The following ARSH variants were observed in gnomAD, a reference collection of about 807,000 sequenced individuals.
The protein encoded by ARSH is arylsulfatase H.
A neutral mutation model predicts 28.7 loss-of-function variants in ARSH; 32 were observed. The ratio of observed to expected loss-of-function variants is 1.11; its 90% confidence interval spans 0.84 to 1.50. ARSH has a LOEUF of 1.50. Among genes scored for constraint, ARSH ranks in the 40% most tolerant of loss-of-function variants. The probability of loss-of-function intolerance (pLI) is 0.00; values close to 1 mark genes in which losing one functional copy is unlikely to be tolerated. For missense variants in ARSH, 440 were observed against 452.4 expected (o/e 0.97, Z 0.25); for synonymous variants, 176 against 177.3 (o/e 0.99, Z 0.06).
rs1569125924 is a variant in ARSH, at chrX:3,029,271, G to GC, written c.1228dup (p.Leu410ProfsTer44). 1 of 1,209,269 alleles carries GC rather than the reference G, an allele frequency of 8.3e-7. No individual in the cohort carries two copies. The highest frequency in any genetic ancestry group is 2.2e-5 in the Admixed American group (1 of 45,745). On this transcript the variant is annotated frameshift_variant, in exon 8 of 9. Coordinates refer to ENST00000381130, the MANE Select transcript of ARSH (RefSeq NM_001011719.2). LOFTEE classifies it high-confidence loss of function. ...GAGTGATTGACGGCCAGAACCTAATGCCCCTGCTGGAAGGAAGGGCGTCCC... is the reference window on the plus strand; with the variant it reads ...GAGTGATTGACGGCCAGAACCTAATGCCCCCTGCTGGAAGGAAGGGCGTCCC...
chrX:3,006,764 C>T lies in ARSH; in HGVS notation c.92+60C>T, dbSNP rs775461304. On this transcript the variant is annotated intron_variant, in intron 1 of 8. Transcript: ENST00000381130. ...GGAGTCTCCCTTACCACAGTGTTCA[C>T]GTCTTTGCCGTTGCAGAGAAGGGTT... 7.3e-5 allele frequency: 69 copies of T among 947,696 alleles called. No homozygotes were observed. The East Asian group carries it at 1.7e-3, about 23-fold the overall frequency. 78.1% of individuals were successfully genotyped at this position (947,696 alleles called of 1,213,427 possible). A position where few individuals can be genotyped will look rare whatever the true frequency, so the allele number is the denominator to read the frequency against.
rs1235928815 is a variant in ARSH, at chrX:3,027,439, T to G, written c.1163T>G (p.Leu388Arg). Residue 388 changes from leucine (L) to arginine (R), a missense_variant, in exon 7 of 9, where the codon CTG becomes CGG. Leu to Arg is a moderately radical substitution (Grantham distance 102, BLOSUM62 -2). Transcript: ENST00000381130. ...PTSLMDIYPT[L>R]SYIGGGILSQ... ...AGCTTAATGGACATCTATCCGACGC[T>G]GTCTTATATAGGCGGAGGGATCTTG... is the stretch of plus-strand genomic sequence containing the variant. The G allele has an allele frequency of 7.4e-6, 9 of 1,209,902 alleles. No individual in the cohort carries two copies. The highest frequency in any genetic ancestry group is 7.8e-6 in the Non-Finnish European group (7 of 895,189).
Position 3,010,129 on chromosome X carries a change from C to T in ARSH, c.192C>T (p.Thr64=), listed in dbSNP as rs77183343. The T allele has an allele frequency of 0.11, 128,689 of 1,208,646 alleles. 5,004 individuals carry two copies. The highest frequency in any genetic ancestry group is 0.12 in the Non-Finnish European group (105,287 of 894,474). ...MCTPSRAAFL[T]GRYPIRSGMV... ...CCCCAAGTCGGGCTGCCTTCCTGACCGGCCGGTACCCCATCAGATCAGGTG... is the reference window on the plus strand; with the variant it reads ...CCCCAAGTCGGGCTGCCTTCCTGACTGGCCGGTACCCCATCAGATCAGGTG... Residue 64 remains threonine, a synonymous_variant, in exon 2 of 9, where the codon ACC becomes ACT. Transcript: ENST00000381130.
At chrX:3,024,301 A>G (rs2089892993) in intron 6 of ARSH, 146 bp downstream of exon 6, 1 of 646,176 alleles carries the variant, frequency 1.5e-6, no homozygotes, top group Admixed American at 5.5e-5. Context: ...AAAAAAAAAA[A>G]GCTGCAAATT....
chrX:3,010,437 T>C (rs976804122), intron 2 of ARSH, among the ~76,000 whole-genome samples: 4 of 111,659 alleles, frequency 3.6e-5, no homozygotes, highest in African/African-American at 1.3e-4. Context: ...CTAAGATTTC[T>C]CAAGAGACCC....
intron 1 of ARSH, among the ~76,000 whole-genome samples, chrX:3,008,493 CT>C (rs1244886752): frequency 4.0e-5 from 4 of 98,908 alleles, no homozygotes; most frequent in Non-Finnish European, 6.1e-5. Flanking sequence ...TTCTTTCTTT[CT>C]TTCTTTCTTT....
Position 3,013,161 on chromosome X carries a change from C to A in ARSH, c.329C>A (p.Thr110Lys), listed in dbSNP as rs753484979. ...CTGCTGCAGCACCGTGGCTACCGCA[C>A]GGGACTCATAGGTATGGCGCCGGAA... ...AKLLQHRGYR[T>K]GLIGKWHLGL... The change falls in exon 3 of 9, where the codon ACG (threonine) becomes AAG (lysine). Residue 110 changes from threonine (T) to lysine (K), a missense_variant. Coordinates refer to ENST00000381130, the MANE Select transcript of ARSH (RefSeq NM_001011719.2). The A allele has an allele frequency of 8.3e-7, 1 of 1,207,668 alleles. No homozygotes were observed. The highest frequency in any genetic ancestry group is 1.1e-6 in the Non-Finnish European group (1 of 893,771).
chrX:3,027,547 A>T (rs2089902550), intron 7 of ARSH, 72 bp downstream of exon 7: 1 of 1,043,439 alleles, frequency 9.6e-7, no homozygotes, highest in African/African-American at 1.8e-5. Context: ...TGATAATTCT[A>T]TGTGTGTGTG....
At chrX:3,032,326 T>C (rs2089916215) in intron 8 of ARSH, among the ~76,000 whole-genome samples, 1 of 105,597 alleles carries the variant, frequency 9.5e-6, no homozygotes, top group Admixed American at 1.1e-4. Context: ...AAAAATAAAA[T>C]TGATCTCTGA....
chrX:3,006,900 C>G (rs955655595), intron 1 of ARSH, among the ~76,000 whole-genome samples, 196 bp downstream of exon 1: 1 of 110,976 alleles, frequency 9.0e-6, no homozygotes. Flanking sequence ...TAGATTCTAG[C>G]TGTTGGTGGT....
At position 3,033,373 on chromosome X, in the gene ARSH, C is replaced by A; in HGVS notation, c.1677C>A (p.Pro559=). ...CGCDKEDDIL[P]MAP is the part of the protein sequence containing the mutation. ...GTGACAAGGAAGATGACATCCTTCC[C>A]ATGGCTCCCTGAGACCATGCGGACC... is the stretch of plus-strand genomic sequence containing the variant. Residue 559 remains proline (P), a synonymous_variant, in exon 9 of 9, where the codon CCC becomes CCA. Coordinates refer to ENST00000381130, the MANE Select transcript of ARSH (RefSeq NM_001011719.2). 1 of 1,201,755 alleles carries A rather than the reference C, an allele frequency of 8.3e-7. No individual in the cohort carries two copies. The highest frequency in any genetic ancestry group is 1.8e-5 in the South Asian group (1 of 54,909).
At chrX:3,013,014 A>G (rs1385322078) in intron 2 of ARSH, 33 bp from the exon 3 acceptor site, 1 of 1,196,229 alleles carries the variant, frequency 8.4e-7, no homozygotes, top group African/African-American at 1.8e-5. Flanking sequence ...AGCAAAGACT[A>G]TGGTGCTAAC....
intron 7 of ARSH, among the ~76,000 whole-genome samples, chrX:3,027,867 C>A (rs947021457): frequency 9.0e-6 from 1 of 111,349 alleles, no homozygotes; most frequent in South Asian, 3.8e-4. Flanking sequence ...TTTGGGAGGT[C>A]AAGGCTGGCG....
intron 6 of ARSH, among the ~76,000 whole-genome samples, 197 bp from the exon 7 acceptor site, chrX:3,027,116 C>T (rs973217349): frequency 9.0e-6 from 1 of 111,295 alleles, no homozygotes; most frequent in African/African-American, 3.3e-5. Flanking sequence ...CACCACCATG[C>T]CCAGCTAATG....
chrX:3,018,801 C>T, intron 5 of ARSH, 131 bp downstream of exon 5: 3 of 649,243 alleles, frequency 4.6e-6, no homozygotes, highest in Admixed American at 4.0e-5. Context: ...TGTTTCATCC[C>T]TTAATTGGAT....
chrX:3,029,519 G>C, intron 8 of ARSH, 151 bp downstream of exon 8: 1 of 622,704 alleles, frequency 1.6e-6, no homozygotes, highest in South Asian at 5.9e-5. Context: ...GTGCACTGCA[G>C]TAGGATTTTA....
intron 6 of ARSH, among the ~76,000 whole-genome samples, chrX:3,025,769 C>T (rs1041382435): frequency 5.4e-5 from 6 of 110,117 alleles, no homozygotes; most frequent in Non-Finnish European, 7.6e-5. Context: ...TGCCATCTAA[C>T]GAAGTGTGAT....
At chrX:3,021,400 G>A (rs1483622648) in intron 5 of ARSH, among the ~76,000 whole-genome samples, 1 of 111,460 alleles carries the variant, frequency 9.0e-6, no homozygotes, top group Non-Finnish European at 1.9e-5. Flanking sequence ...CTATTTTTCT[G>A]CGTAACATCT....
chrX:3,013,188 T>C lies in ARSH; in HGVS notation c.340+16T>C. The C allele has an allele frequency of 8.4e-7, 1 of 1,197,443 alleles. No homozygotes were observed. Among genetic ancestry groups the C allele is most frequent in the Non-Finnish European group, 1.1e-6 (1 of 888,407 alleles). On this transcript the variant is annotated intron_variant, in intron 3 of 8. Coordinates refer to ENST00000381130, the MANE Select transcript of ARSH (RefSeq NM_001011719.2). ...GGACTCATAGGTATGGCGCCGGAAC[T>C]CTGCCCGTGGAAACGTGATCCTGCA...
Sources: allele counts gnomAD v4.1 joint callset (sites outside exome capture counted in the v4.1 genomes callset), GRCh38; gene constraint gnomAD v4.1.1; transcripts MANE v1.5; gene names NCBI Gene and HGNC (gene_info 2026-07-23, HGNC 2026-07-21).